Variants in PDZD2 observed in about 807,000 individuals in gnomAD.
PDZD2 encodes PDZ domain containing 2.
A neutral mutation model predicts 220.7 loss-of-function variants in PDZD2; 90 were observed. That is an observed-to-expected ratio of 0.41 (90% CI 0.34 to 0.49). PDZD2 has a LOEUF of 0.49. Among genes scored for constraint, PDZD2 ranks in the 20% least tolerant of loss-of-function variants. The probability of loss-of-function intolerance (pLI) is 0.28; values close to 1 mark genes in which losing one functional copy is unlikely to be tolerated. For missense variants in PDZD2, 3,174 were observed against 3,608.5 expected, an observed-to-expected ratio of 0.88 and a Z score of 3.08; for synonymous variants, 1,375 against 1,450.5, an observed-to-expected ratio of 0.95 and a Z score of 1.18.
rs1014167831 is a variant in PDZD2 at position 31,799,056 on chromosome 5, T to C, written c.-193T>C. ...TGCCATTGTTCCACAGTTGTTCTAA[T>C]TGGGTCCTAGCTTCCTCCTGCCAAG... On this transcript the variant is annotated 5_prime_UTR_variant, in exon 2 of 25. Coordinates refer to ENST00000438447, the MANE Select transcript of PDZD2 (RefSeq NM_178140.4). 7 of 575,608 alleles carry C rather than the reference T, an allele frequency of 1.2e-5. No individual in the cohort carries two copies. Among genetic ancestry groups the C allele is most frequent in the African/African-American group, 5.6e-5 (3 of 53,726 alleles). The allele number at this position is 575,608 out of a possible 1,614,324, so 35.7% of individuals were successfully genotyped here.
intron 2 of PDZD2, among the ~76,000 whole-genome samples, chr5:31,971,714 A>G (rs1345596782): frequency 6.6e-6 from 1 of 152,176 alleles, no homozygotes; most frequent in Non-Finnish European, 1.5e-5. Flanking sequence ...CACAGAAACA[A>G]AGGGGTCATA....
At chr5:31,817,773 C>A (rs1158741509) in intron 2 of PDZD2, among the ~76,000 whole-genome samples, 2 of 151,988 alleles carry the variant, frequency 1.3e-5, no homozygotes, top group African/African-American at 4.8e-5. Flanking sequence ...AAGCAACTAT[C>A]CTGCCTCAGC....
At chr5:32,086,981 G>C in intron 19 of PDZD2, 150 bp from the exon 20 acceptor site, 1 of 564,780 alleles carries the variant, frequency 1.8e-6, no homozygotes, top group Admixed American at 3.2e-5. Context: ...GCGCCACCAC[G>C]CCCAGCTTTC....
intron 2 of PDZD2, among the ~76,000 whole-genome samples, chr5:31,905,122 C>T (rs1014587461): frequency 6.6e-6 from 1 of 152,116 alleles, no homozygotes; most frequent in African/African-American, 2.4e-5. Context: ...GCACTCACCA[C>T]CACGCCCGGC....
intron 2 of PDZD2, among the ~76,000 whole-genome samples, chr5:31,879,010 T>C (rs1240487086): frequency 1.3e-5 from 2 of 152,104 alleles, no homozygotes; most frequent in Admixed American, 1.3e-4. Context: ...ACCAGGACAT[T>C]GATATGGTCA....
intron 20 of PDZD2, among the ~76,000 whole-genome samples, chr5:32,091,934 T>C (rs1743195525): frequency 6.6e-6 from 1 of 152,140 alleles, no homozygotes; most frequent in Admixed American, 6.5e-5. Context: ...ATTTGGACTT[T>C]GGAGGTGGCT....
chr5:31,738,199 C>T (rs1750022661), intron 1 of PDZD2: 1 of 152,214 alleles, frequency 6.6e-6, no homozygotes, highest in South Asian at 2.1e-4. Flanking sequence ...GCTTTAACCT[C>T]AGACTTTCTC....
intron 2 of PDZD2, among the ~76,000 whole-genome samples, chr5:31,859,226 T>G (rs1561516744): frequency 6.6e-6 from 1 of 152,198 alleles, no homozygotes; most frequent in Non-Finnish European, 1.5e-5. Context: ...GAGACTGATT[T>G]GAGTCATAAA....
At chr5:31,706,361 A>G (rs1465724253) in intron 1 of PDZD2, among the ~76,000 whole-genome samples, 1 of 152,200 alleles carries the variant, frequency 6.6e-6, no homozygotes, top group East Asian at 1.9e-4. Context: ...GGTTTTGGCC[A>G]GGTTACATCT....
chr5:32,039,172 C>T (rs1263819729), intron 7 of PDZD2, among the ~76,000 whole-genome samples: 1 of 152,078 alleles, frequency 6.6e-6, no homozygotes, highest in Non-Finnish European at 1.5e-5. Context: ...CTGCCATGAT[C>T]TCGGCTCGCT....
In PDZD2 at chr5:32,059,274, T is replaced by C. The variant is rs1217934569; in HGVS notation, c.2236T>C (p.Leu746=). Residue 746 remains leucine, a synonymous_variant, in exon 13 of 25, where the codon TTG becomes CTG. Coordinates refer to ENST00000438447, the MANE Select transcript of PDZD2 (RefSeq NM_178140.4). ...RVGLGIGACC[L]ALENSPPGIY... ...TGGATTAGGCATTGGTGCCTGCTGC[T>C]TGGCTCTGGAAAACAGTCCTCCTGG... The C allele has an allele frequency of 6.2e-7, 1 of 1,613,568 alleles. No homozygotes were observed. Among genetic ancestry groups the C allele is most frequent in the African/African-American group, 1.3e-5 (1 of 75,056 alleles).
chr5:31,728,002 C>CAAAAAA (rs11386922), intron 1 of PDZD2, among the ~76,000 whole-genome samples: 34 of 110,696 alleles, frequency 3.1e-4, no homozygotes, highest in Non-Finnish European at 5.3e-4. Flanking sequence ...GACTCTGTCT[C>CAAAAAA]AAAAAAAAAA....
intron 2 of PDZD2, among the ~76,000 whole-genome samples, chr5:31,878,204 G>A (rs1195055953): frequency 6.6e-6 from 1 of 152,174 alleles, no homozygotes; most frequent in Non-Finnish European, 1.5e-5. Flanking sequence ...TAACTGAAAT[G>A]TGTGACAGAT....
chr5:31,865,602 A>G (rs1738140041), intron 2 of PDZD2, among the ~76,000 whole-genome samples: 1 of 139,022 alleles, frequency 7.2e-6, no homozygotes, highest in South Asian at 2.4e-4. Flanking sequence ...GTTAGCCTGT[A>G]ATCTGTGTCT....
chr5:32,016,698 C>CG, intron 6 of PDZD2, among the ~76,000 whole-genome samples: 1 of 152,168 alleles, frequency 6.6e-6, no homozygotes, highest in Admixed American at 6.6e-5. Context: ...ATTCCCCACT[C>CG]TGCCCCTGGG....
At chr5:32,015,832 C>T (rs1753746098) in intron 6 of PDZD2, among the ~76,000 whole-genome samples, 1 of 152,000 alleles carries the variant, frequency 6.6e-6, no homozygotes, top group Non-Finnish European at 1.5e-5. Flanking sequence ...GAGCCTGTCT[C>T]CCTTTTTATA....
chr5:31,937,088 C>T (rs1225529298), intron 2 of PDZD2, among the ~76,000 whole-genome samples: 3 of 152,156 alleles, frequency 2.0e-5, no homozygotes, highest in African/African-American at 7.2e-5. Flanking sequence ...TTTTGATTCC[C>T]ATGATTGTAG....
intron 2 of PDZD2, among the ~76,000 whole-genome samples, chr5:31,849,734 C>G (rs1221814095): frequency 1.3e-5 from 2 of 151,038 alleles, no homozygotes; most frequent in Non-Finnish European, 2.9e-5. Flanking sequence ...ATCCCAGCTA[C>G]TATGGAGGCT....
intron 2 of PDZD2, among the ~76,000 whole-genome samples, chr5:31,831,393 AT>A (rs1308805768): frequency 6.7e-6 from 1 of 149,988 alleles, no homozygotes; most frequent in Non-Finnish European, 1.5e-5. Context: ...AGGCGGGTGG[AT>A]CACGAGGTCA....
Sources: gnomAD v4.1 joint callset for allele counts (sites outside exome capture counted in the v4.1 genomes callset) on GRCh38, gnomAD v4.1.1 for gene constraint, MANE v1.5 for transcripts, NCBI Gene and HGNC (gene_info 2026-07-23, HGNC 2026-07-21) for gene names.